The following ANXA4 variants were observed in gnomAD, a reference collection of about 807,000 sequenced individuals.
ANXA4 encodes the protein 35-beta calcimedin.
In ANXA4, 39 loss-of-function variants were observed where a neutral mutation model predicts 49.8. The observed-to-expected ratio is 0.78, with a 90% CI of 0.61 to 1.02. The LOEUF (loss-of-function observed/expected upper bound fraction) is 1.02, where lower values mean the gene tolerates loss of function less well. Among genes scored for constraint, ANXA4 ranks in the 50% least tolerant of loss-of-function variants. The pLI is 0.00. For missense variants in ANXA4, 360 were observed against 410.1 expected (o/e 0.88, Z 1.05); for synonymous variants, 134 against 152.5 (o/e 0.88, Z 0.89).
At chr2:69,675,534 T>G in intron 2 of ANXA4, among the ~76,000 whole-genome samples, 1 of 152,232 alleles carries the variant, frequency 6.6e-6, no homozygotes. Flanking sequence ...ACTGTCAGGC[T>G]TCTCAACTAA....
chr2:69,738,842 G>A (rs1472266492), upstream of ANXA4, among the ~76,000 whole-genome samples: 1 of 152,190 alleles, frequency 6.6e-6, no homozygotes, highest in Non-Finnish European at 1.5e-5. Flanking sequence ...CCATCTGCCA[G>A]CTGGATAACA....
chr2:69,796,301 C>T (rs939586829), intron 3 of ANXA4, among the ~76,000 whole-genome samples: 1 of 152,192 alleles, frequency 6.6e-6, no homozygotes, highest in Non-Finnish European at 1.5e-5. Context: ...TGCAAGCCTG[C>T]AAAGCATCTC....
chr2:69,664,194 A>T (rs1465082955), intron 2 of ANXA4, among the ~76,000 whole-genome samples: 1 of 152,234 alleles, frequency 6.6e-6, no homozygotes. Context: ...ATACCCATCC[A>T]AATGTAGTAG....
chr2:69,812,540 C>A, intron 7 of ANXA4, 113 bp from the exon 8 acceptor site: 1 of 825,586 alleles, frequency 1.2e-6, no homozygotes, highest in Non-Finnish European at 1.9e-6. Context: ...GGGTCTGAAG[C>A]TCCAATTCTT....
Position 69,656,305 on chromosome 2 carries a change from G to A in ANXA4, n.766+3023G>A, listed in dbSNP as rs1384705424. On this transcript the variant is annotated intron_variant and non_coding_transcript_variant, in intron 2 of 3. Transcript: ENST00000418066. ...TATATATACATATATGTATATATAT[G>A]TATATATGTATATATATGTATATAT... Among the ~76,000 whole-genome samples, 390 of 108,848 alleles carry A rather than the reference G, an allele frequency of 3.6e-3. 26 individuals carry two copies. The highest frequency in any genetic ancestry group is 0.012 in the East Asian group (31 of 2,508). 71.4% of individuals were successfully genotyped at this position (108,848 alleles called of 152,430 possible). A position where few individuals can be genotyped will look rare whatever the true frequency, so the allele number is the denominator to read the frequency against.
intron 2 of ANXA4, among the ~76,000 whole-genome samples, chr2:69,694,044 G>A (rs571688760): frequency 1.3e-4 from 20 of 152,202 alleles, no homozygotes; most frequent in South Asian, 4.2e-4. Context: ...CTATTCCAAC[G>A]TATCTGATTA....
intron 2 of ANXA4, among the ~76,000 whole-genome samples, chr2:69,654,000 A>G (rs1052774900): frequency 6.6e-6 from 1 of 152,154 alleles, no homozygotes; most frequent in Non-Finnish European, 1.5e-5. Context: ...GGTCCTTCAC[A>G]TCCCTTATAA....
chr2:69,697,176 G>T (rs927139469), intron 2 of ANXA4, among the ~76,000 whole-genome samples: 2 of 152,196 alleles, frequency 1.3e-5, no homozygotes, highest in East Asian at 3.8e-4. Flanking sequence ...CTTCATCTAT[G>T]ATCTTAGCTA....
intron 1 of ANXA4, among the ~76,000 whole-genome samples, chr2:69,774,630 G>A (rs1044122301): frequency 2.0e-5 from 3 of 151,978 alleles, no homozygotes; most frequent in East Asian, 1.9e-4. Flanking sequence ...GTGAGCCACC[G>A]CGTCCAGCCA....
intron 2 of ANXA4, among the ~76,000 whole-genome samples, chr2:69,785,086 G>T (rs1236880900): frequency 1.3e-5 from 2 of 152,122 alleles, no homozygotes; most frequent in East Asian, 1.9e-4. Flanking sequence ...CAAGGAAGTC[G>T]ATGTCATACA....
intron 2 of ANXA4, among the ~76,000 whole-genome samples, chr2:69,695,032 C>G (rs1306579057): frequency 1.3e-5 from 2 of 151,986 alleles, no homozygotes; most frequent in African/African-American, 4.8e-5. Context: ...GCCCCAGCTA[C>G]TCAGGAGGCT....
intron 2 of ANXA4, among the ~76,000 whole-genome samples, chr2:69,690,445 A>T (rs1677925418): frequency 6.6e-6 from 1 of 151,672 alleles, no homozygotes; most frequent in Admixed American, 6.6e-5. Flanking sequence ...CACCATGTTG[A>T]CCAGACTGGT....
chr2:69,801,378 CTT>C (rs1673187024), intron 3 of ANXA4, among the ~76,000 whole-genome samples: 1 of 151,312 alleles, frequency 6.6e-6, no homozygotes, highest in South Asian at 2.1e-4. Context: ...GCCAAGGACT[CTT>C]TTGCCCTCAC....
chr2:69,746,817 A>C (rs958392753), intron 1 of ANXA4, among the ~76,000 whole-genome samples: 2 of 85,380 alleles, frequency 2.3e-5, no homozygotes, highest in African/African-American at 9.4e-5. Flanking sequence ...CCAAAAACAA[A>C]CAAACAAATG....
chr2:69,775,263 A>G (rs1376655371), intron 1 of ANXA4, among the ~76,000 whole-genome samples: 1 of 152,212 alleles, frequency 6.6e-6, no homozygotes, highest in Non-Finnish European at 1.5e-5. Context: ...ACTCACTGAA[A>G]TCTGAGCTTG....
At chr2:69,794,889 A>G (rs1672873776) in intron 3 of ANXA4, among the ~76,000 whole-genome samples, 1 of 152,156 alleles carries the variant, frequency 6.6e-6, no homozygotes, top group African/African-American at 2.4e-5. Flanking sequence ...AGGGTGAGCC[A>G]TTTCCCTGTG....
intron 2 of ANXA4, among the ~76,000 whole-genome samples, chr2:69,696,893 G>A (rs1259686522): frequency 6.6e-6 from 1 of 152,304 alleles, no homozygotes; most frequent in Non-Finnish European, 1.5e-5. Context: ...GCTATAAACA[G>A]ATGTGCTGTC....
At chr2:69,659,320 A>C (rs989668316) in intron 2 of ANXA4, among the ~76,000 whole-genome samples, 2 of 152,230 alleles carry the variant, frequency 1.3e-5, no homozygotes, top group Non-Finnish European at 2.9e-5. Flanking sequence ...CAAGATGAAA[A>C]GAATATGCTA....
At chr2:69,707,288 G>C (rs968844554) in intron 2 of ANXA4, among the ~76,000 whole-genome samples, 19 of 152,220 alleles carry the variant, frequency 1.2e-4, no homozygotes, top group African/African-American at 4.6e-4. Flanking sequence ...TATAGTTATT[G>C]GTTTATCCAA....
Sources: gnomAD v4.1 joint callset for allele counts (sites outside exome capture counted in the v4.1 genomes callset) on GRCh38, gnomAD v4.1.1 for gene constraint, MANE v1.5 for transcripts, NCBI Gene and HGNC (gene_info 2026-07-23, HGNC 2026-07-21) for gene names.